The following TOX3 variants were observed in gnomAD, a reference collection of about 807,000 sequenced individuals.
TOX3 encodes the protein TOX high mobility group box family member 3.
A neutral mutation model predicts 64.3 loss-of-function variants in TOX3; 22 were observed. The observed-to-expected ratio is 0.34, with a 90% CI of 0.24 to 0.49. The LOEUF is 0.49. Among genes scored for constraint, TOX3 ranks in the 20% least tolerant of loss-of-function variants. The pLI is 0.99. For synonymous variants in TOX3, 291 were observed against 273.6 expected (o/e 1.06, Z -0.63); for missense variants, 661 against 714.4 (o/e 0.93, Z 0.85).
At chr16:52,468,866 G>A (rs1960946626) in intron 1 of TOX3, among the ~76,000 whole-genome samples, 1 of 152,184 alleles carries the variant, frequency 6.6e-6, no homozygotes, top group South Asian at 2.1e-4. Context: ...GTTGCTTATT[G>A]ACCTGGCATT....
intron 1 of TOX3, among the ~76,000 whole-genome samples, chr16:52,505,947 GCC>G (rs1962150910): frequency 1.3e-5 from 2 of 152,168 alleles, no homozygotes; most frequent in Admixed American, 6.5e-5. Context: ...CTGCACTCCA[GCC>G]TGGGTGACAG....
intron 1 of TOX3, among the ~76,000 whole-genome samples, chr16:52,500,911 A>C (rs1961983272): frequency 6.6e-6 from 1 of 152,214 alleles, no homozygotes; most frequent in African/African-American, 2.4e-5. Flanking sequence ...ACACACAAGA[A>C]AGTCTGGACT....
chr16:52,496,580 T>C (rs1006872348), intron 1 of TOX3, among the ~76,000 whole-genome samples: 1 of 152,224 alleles, frequency 6.6e-6, no homozygotes. Flanking sequence ...TAAGTAAATG[T>C]TCAGCGGTAA....
intron 6 of TOX3, 118 bp downstream of exon 6, chr16:52,444,158 T>G: frequency 1.5e-6 from 1 of 681,598 alleles, no homozygotes; most frequent in Non-Finnish European, 2.4e-6. Context: ...AGTTTACAAG[T>G]TGTTCAAGAT....
chr16:52,446,594 T>C (rs1422603311), intron 4 of TOX3, among the ~76,000 whole-genome samples: 2 of 152,172 alleles, frequency 1.3e-5, no homozygotes, highest in Non-Finnish European at 2.9e-5. Context: ...ACCTAAATAA[T>C]ATTCAGGATG....
Position 52,439,589 on chromosome 16 carries a change from A to G in TOX3, c.1367T>C (p.Met456Thr), listed in dbSNP as rs371792651. The G allele has an allele frequency of 6.3e-7, 1 of 1,592,680 alleles. No homozygotes were observed. The highest frequency in any genetic ancestry group is 1.8e-5 in the Admixed American group (1 of 56,762). ...QQQQQQQQQQ[M>T]QQMQQQQLQQ... ...GAGTTGCTGCTGCTGCATCTGTTGC[A>G]TCTGTTGTTGTTGCTGCTGCTGCTG... The change falls in exon 7 of 7, where the codon ATG becomes ACG. Residue 456 changes from methionine to threonine, a missense_variant. By Grantham distance (81) the Met-to-Thr change is moderately conservative (BLOSUM62 -1). Transcript: ENST00000219746.
rs1959769516 is a variant in TOX3 at position 52,436,915 on chromosome 16, T to A, written c.*2310A>T. The A allele has an allele frequency of 6.6e-6, 1 of 152,234 alleles. No homozygotes were observed. 9.4% of individuals were successfully genotyped at this position (152,234 alleles called of 1,614,324 possible). A position where few individuals can be genotyped will look rare whatever the true frequency, so the allele number is the denominator to read the frequency against. On this transcript the variant is annotated 3_prime_UTR_variant, in exon 7 of 7. Coordinates refer to ENST00000219746, the MANE Select transcript of TOX3 (RefSeq NM_001080430.4). ...AATACACAATTACTGTCACATGTAG[T>A]TTAGCAATTAATTTTGAAGACATCT...
At chr16:52,458,532 C>G (rs1418582746) in intron 3 of TOX3, among the ~76,000 whole-genome samples, 1 of 152,164 alleles carries the variant, frequency 6.6e-6, no homozygotes. Flanking sequence ...TGTAGATGAT[C>G]TATGTTAAAA....
chr16:52,518,267 A>T (rs2151476935), intron 1 of TOX3, among the ~76,000 whole-genome samples: 1 of 152,326 alleles, frequency 6.6e-6, no homozygotes, highest in African/African-American at 2.4e-5. Flanking sequence ...GGCATATGTT[A>T]TTACAGTACA....
chr16:52,524,557 G>A (rs1183391212), intron 1 of TOX3, among the ~76,000 whole-genome samples: 1 of 152,138 alleles, frequency 6.6e-6, no homozygotes, highest in Non-Finnish European at 1.5e-5. Context: ...AAGACATAAA[G>A]CAAATGAACT....
At chr16:52,449,286 A>G (rs1298876781) in intron 4 of TOX3, among the ~76,000 whole-genome samples, 1 of 152,182 alleles carries the variant, frequency 6.6e-6, no homozygotes, top group Non-Finnish European at 1.5e-5. Flanking sequence ...TTCGTTCTTC[A>G]ACTTCTATTT....
Position 52,446,110 on chromosome 16 carries a change from G to T in TOX3, c.790C>A (p.Leu264Met). Residue 264 changes from leucine (L) to methionine (M), a missense_variant, in exon 5 of 7, where the codon CTG becomes ATG. By Grantham distance (15) the Leu-to-Met change is conservative. Around this residue, in one of 3 missense-constraint regions of TOX3, gnomAD observed 103 missense variants for 161.2 expected, o/e 0.64. Coordinates refer to ENST00000219746, the MANE Select transcript of TOX3 (RefSeq NM_001080430.4). ...GCAGCCTGTGTGTCTCTGAAAAACAGGGCATATGCTGACACTGGCTTCTGT... is the reference window on the plus strand; with the variant it reads ...GCAGCCTGTGTGTCTCTGAAAAACATGGCATATGCTGACACTGGCTTCTGT... ...EPQKPVSAYA[L>M]FFRDTQAAIK... The T allele has an allele frequency of 6.2e-7, 1 of 1,613,978 alleles. No homozygotes were observed. The highest frequency in any genetic ancestry group is 8.5e-7 in the Non-Finnish European group (1 of 1,179,850).
intron 1 of TOX3, among the ~76,000 whole-genome samples, chr16:52,531,909 C>A (rs964351876): frequency 1.3e-5 from 2 of 152,112 alleles, no homozygotes; most frequent in Non-Finnish European, 2.9e-5. Context: ...GACATGAAGA[C>A]TCCCTGGACT....
In TOX3 at chr16:52,445,887, A is replaced by G. The variant is rs113019939; in HGVS notation, c.906+107T>C. Reference sequence around the variant, plus strand: ...TTCCATTGCTTAGAAAAGGATTTCAAAAGAAGCAATCATATTAAGTGAACA... The same window carrying G: ...TTCCATTGCTTAGAAAAGGATTTCAGAAGAAGCAATCATATTAAGTGAACA... On this transcript the variant is annotated intron_variant, in intron 5 of 6. Coordinates refer to ENST00000219746, the MANE Select transcript of TOX3 (RefSeq NM_001080430.4). 640 of 1,050,612 alleles carry G rather than the reference A, an allele frequency of 6.1e-4. 1 individual carries two copies. In the African/African-American group the frequency reaches 9.2e-3, roughly 15 times the overall value. 65.1% of individuals were successfully genotyped at this position (1,050,612 alleles called of 1,614,324 possible).
At chr16:52,466,553 G>A (rs777565765) in intron 2 of TOX3, among the ~76,000 whole-genome samples, 13 of 152,102 alleles carry the variant, frequency 8.5e-5, no homozygotes, top group Non-Finnish European at 1.6e-4. Context: ...TTTATTTTTT[G>A]TTCAAGAAAA....
chr16:52,464,794 G>A (rs1241667264), intron 2 of TOX3, among the ~76,000 whole-genome samples: 5 of 151,898 alleles, frequency 3.3e-5, no homozygotes, highest in African/African-American at 1.2e-4. Flanking sequence ...AGATGCCAGC[G>A]CTTTTATTTA....
intron 1 of TOX3, among the ~76,000 whole-genome samples, chr16:52,470,934 T>C (rs534523729): frequency 1.6e-4 from 25 of 152,200 alleles, no homozygotes; most frequent in South Asian, 4.1e-4. Context: ...GAACTAAAGG[T>C]TTCTATTCTG....
At chr16:52,496,353 A>G (rs1461897305) in intron 1 of TOX3, among the ~76,000 whole-genome samples, 1 of 152,236 alleles carries the variant, frequency 6.6e-6, no homozygotes, top group Non-Finnish European at 1.5e-5. Flanking sequence ...CCTGGCTTCC[A>G]CTGAGCACAC....
At chr16:52,533,970 T>C (rs1044753682) in intron 1 of TOX3, among the ~76,000 whole-genome samples, 3 of 152,134 alleles carry the variant, frequency 2.0e-5, no homozygotes, top group Non-Finnish European at 2.9e-5. Context: ...GGTCCCTGAA[T>C]GGGTGAGGAT....
Sources: gnomAD v4.1 joint callset for allele counts (sites outside exome capture counted in the v4.1 genomes callset) on GRCh38, gnomAD v4.1.1 for gene constraint, gnomAD v4.1.1 regional missense constraint, MANE v1.5 for transcripts, NCBI Gene and HGNC (gene_info 2026-07-23, HGNC 2026-07-21) for gene names.